The following CCDC85A variants were observed in gnomAD, a reference collection of about 807,000 sequenced individuals.
CCDC85A encodes the protein coiled-coil domain-containing protein 85A.
A neutral mutation model predicts 50.2 loss-of-function variants in CCDC85A; 38 were observed. That is an observed-to-expected ratio of 0.76 (90% CI 0.58 to 0.99). CCDC85A has a LOEUF of 0.99. Ranked by LOEUF, CCDC85A falls within the 50% of genes least tolerant of loss-of-function variation. The pLI, the probability that CCDC85A is intolerant of heterozygous loss-of-function variation, is 0.00. For missense variants in CCDC85A, 820 were observed against 742.0 expected, an observed-to-expected ratio of 1.11 and a Z score of -1.22; for synonymous variants, 366 against 301.4, an observed-to-expected ratio of 1.21 and a Z score of -2.22.
intron 1 of CCDC85A, among the ~76,000 whole-genome samples, chr2:56,190,045 ACCCACAAATTC>A (rs1454224947): frequency 6.6e-6 from 1 of 152,234 alleles, no homozygotes; most frequent in Non-Finnish European, 1.5e-5. Flanking sequence ...TCTTCCTAAT[ACCCACAAATTC>A]ACTCCCATGA....
Position 56,184,499 on chromosome 2 carries a change from C to G in CCDC85A, c.-126C>G. ...CCCCCGCCGCCCCAACCCAGCGGCC[C>G]CTGGGCGGTGCCGCTGACTCGCCGG... On this transcript the variant is annotated 5_prime_UTR_variant, in exon 1 of 6. Transcript: ENST00000407595. 1 of 1,099,064 alleles carries G rather than the reference C, an allele frequency of 9.1e-7. No individual in the cohort carries two copies. Among genetic ancestry groups the G allele is most frequent in the South Asian group, 3.7e-5 (1 of 26,964 alleles). The allele number at this position is 1,099,064 out of a possible 1,614,324, so 68.1% of individuals were successfully genotyped here. A position where few individuals can be genotyped will look rare whatever the true frequency, so the allele number is the denominator to read the frequency against.
chr2:56,285,503 T>C (rs1255802944), intron 2 of CCDC85A, among the ~76,000 whole-genome samples: 1 of 145,926 alleles, frequency 6.9e-6, no homozygotes, highest in Non-Finnish European at 1.5e-5. Context: ...AATAATATTA[T>C]TATAGTATAT....
chr2:56,328,200 C>T lies in CCDC85A; in HGVS notation c.1241-14679C>T, dbSNP rs1673572957. ...ATGAGAAAAGCATGCTAAAAGGAAG[C>T]AGCAGGAGATAAGCAAGACAACGAG... On this transcript the variant is annotated intron_variant, in intron 2 of 5. Transcript: ENST00000407595. Among the ~76,000 whole-genome samples the T allele has an allele frequency of 5.3e-5, 8 of 152,062 alleles. No individual in the cohort carries two copies. In the South Asian group the frequency reaches 1.7e-3, roughly 31 times the overall value.
chr2:56,295,305 A>T (rs1208520681), intron 2 of CCDC85A, among the ~76,000 whole-genome samples: 3 of 152,182 alleles, frequency 2.0e-5, no homozygotes, highest in African/African-American at 7.2e-5. Context: ...TTTGAATTTT[A>T]TAGCAGGGTT....
chr2:56,314,651 T>G (rs1356022523), intron 2 of CCDC85A, among the ~76,000 whole-genome samples: 1 of 152,076 alleles, frequency 6.6e-6, no homozygotes, highest in Non-Finnish European at 1.5e-5. Flanking sequence ...GTTGATTTGG[T>G]GAGGGATTCT....
chr2:56,349,312 GT>G (rs1464198233), intron 3 of CCDC85A, among the ~76,000 whole-genome samples: 1 of 151,934 alleles, frequency 6.6e-6, no homozygotes, highest in Non-Finnish European at 1.5e-5. Flanking sequence ...AGGAAAAAGG[GT>G]TTTATGTGTA....
At chr2:56,291,638 A>G (rs910811713) in intron 2 of CCDC85A, among the ~76,000 whole-genome samples, 1 of 152,224 alleles carries the variant, frequency 6.6e-6, no homozygotes, top group East Asian at 1.9e-4. Context: ...TTGGTGGGCT[A>G]TCAGAGCCTG....
chr2:56,349,627 G>A (rs1228536759), intron 3 of CCDC85A, among the ~76,000 whole-genome samples: 3 of 152,080 alleles, frequency 2.0e-5, no homozygotes, highest in African/African-American at 7.2e-5. Context: ...GATACATGAT[G>A]ATAAATCTTC....
chr2:56,227,651 A>G (rs1038574451), intron 2 of CCDC85A, among the ~76,000 whole-genome samples: 1 of 151,956 alleles, frequency 6.6e-6, no homozygotes, highest in African/African-American at 2.4e-5. Context: ...TAGCCCACAA[A>G]CCCTGTTTCT....
chr2:56,333,632 G>A (rs1223079010), intron 2 of CCDC85A, among the ~76,000 whole-genome samples: 1 of 152,088 alleles, frequency 6.6e-6, no homozygotes, highest in Non-Finnish European at 1.5e-5. Context: ...AATAGCACTG[G>A]GGGAGGAGGA....
chr2:56,259,566 T>G (rs1279506146), intron 2 of CCDC85A, among the ~76,000 whole-genome samples: 1 of 152,158 alleles, frequency 6.6e-6, no homozygotes, highest in African/African-American at 2.4e-5. Flanking sequence ...GCCCATAAAG[T>G]TGTAGCTTTC....
At chr2:56,218,972 G>T (rs1043368978) in intron 2 of CCDC85A, among the ~76,000 whole-genome samples, 1 of 151,318 alleles carries the variant, frequency 6.6e-6, no homozygotes, top group African/African-American at 2.4e-5. Flanking sequence ...CATTACTTAC[G>T]TGTTTAGTCT....
At chr2:56,255,031 C>A (rs1246930726) in intron 2 of CCDC85A, among the ~76,000 whole-genome samples, 1 of 152,112 alleles carries the variant, frequency 6.6e-6, no homozygotes, top group Non-Finnish European at 1.5e-5. Context: ...TGGGACACCG[C>A]TGATGAAGGC....
At chr2:56,351,133 G>A (rs1360620311) in intron 3 of CCDC85A, among the ~76,000 whole-genome samples, 2 of 148,460 alleles carry the variant, frequency 1.3e-5, no homozygotes, top group African/African-American at 2.5e-5. Context: ...ATAGTTTACT[G>A]AGAATGATGA....
rs1247893061 is a variant in CCDC85A, at chr2:56,359,621, CTA to C, written c.1318-12721_1318-12720del. 3.3e-5 allele frequency among the ~76,000 whole-genome samples: 5 copies of C among 152,264 alleles called. No homozygotes were observed. In the East Asian group the frequency reaches 9.6e-4, roughly 29 times the overall value. ...TTCACAGACAAGTGAAATGCTAAAT[CTA>C]TGTTTATCGATGGATGAAGAAAACC... On this transcript the variant is annotated intron_variant, in intron 3 of 5. Transcript: ENST00000407595.
At chr2:56,371,286 T>C (rs1208860185) in intron 3 of CCDC85A, among the ~76,000 whole-genome samples, 1 of 151,932 alleles carries the variant, frequency 6.6e-6, no homozygotes, top group African/African-American at 2.4e-5. Context: ...TTCTCTTTCT[T>C]ACTTCACTTA....
intron 3 of CCDC85A, among the ~76,000 whole-genome samples, chr2:56,361,893 G>A (rs1367632296): frequency 6.6e-6 from 1 of 152,216 alleles, no homozygotes; most frequent in Non-Finnish European, 1.5e-5. Flanking sequence ...GGTAGAGACA[G>A]GGAGAGGGGA....
intron 2 of CCDC85A, among the ~76,000 whole-genome samples, chr2:56,244,178 T>C (rs1426775800): frequency 1.3e-5 from 2 of 152,134 alleles, no homozygotes; most frequent in African/African-American, 2.4e-5. Context: ...CCTTGGGCTC[T>C]AGGCAGGTTC....
intron 2 of CCDC85A, among the ~76,000 whole-genome samples, chr2:56,220,896 A>G (rs967155888): frequency 1.3e-5 from 2 of 152,078 alleles, no homozygotes; most frequent in African/African-American, 4.8e-5. Context: ...CAGGTGGTCA[A>G]GGATGTAGGG....
Sources: gnomAD v4.1 joint callset for allele counts (sites outside exome capture counted in the v4.1 genomes callset) on GRCh38, gnomAD v4.1.1 for gene constraint, MANE v1.5 for transcripts, NCBI Gene and HGNC (gene_info 2026-07-23, HGNC 2026-07-21) for gene names.